HTRA1: variants seen among roughly 807,000 people sequenced by gnomAD.
HTRA1 encodes the protein HtrA serine peptidase 1.
A neutral mutation model predicts 49.7 loss-of-function variants in HTRA1; 26 were observed. The observed-to-expected ratio is 0.52, with a 90% CI of 0.38 to 0.73. HTRA1 has a LOEUF of 0.73. Among genes scored for constraint, HTRA1 ranks in the 30% least tolerant of loss-of-function variants. HTRA1 has a pLI of 0.00. For synonymous variants in HTRA1, 291 were observed against 286.9 expected, an observed-to-expected ratio of 1.01 and a Z score of -0.14; for missense variants, 561 against 667.2, an observed-to-expected ratio of 0.84 and a Z score of 1.75.
At chr10:122,468,507 G>C (rs758146946) in intron 1 of HTRA1, among the ~76,000 whole-genome samples, 3 of 151,852 alleles carry the variant, frequency 2.0e-5, no homozygotes, top group African/African-American at 7.3e-5. Context: ...TGTCTCCCTG[G>C]GGATGAGGTG....
chr10:122,512,950 G>A (rs917942617), intron 8 of HTRA1, among the ~76,000 whole-genome samples: 18 of 152,014 alleles, frequency 1.2e-4, no homozygotes, highest in African/African-American at 4.4e-4. Flanking sequence ...CATTTAAATG[G>A]TTGAAAAAAT....
At chr10:122,511,872 G>A (rs2097505784) in intron 7 of HTRA1, 98 bp from the exon 8 acceptor site, 1 of 837,430 alleles carries the variant, frequency 1.2e-6, no homozygotes, top group Non-Finnish European at 2.1e-6. Flanking sequence ...TTTTACCTTA[G>A]ACCTAAGGAG....
At chr10:122,483,977 A>G (rs1183884442) in intron 1 of HTRA1, among the ~76,000 whole-genome samples, 1 of 151,970 alleles carries the variant, frequency 6.6e-6, no homozygotes, top group Admixed American at 6.6e-5. Context: ...TATATAGACT[A>G]TCATATATAT....
intron 3 of HTRA1, among the ~76,000 whole-genome samples, chr10:122,503,730 C>A (rs1321683047): frequency 1.3e-5 from 2 of 152,156 alleles, no homozygotes; most frequent in Non-Finnish European, 2.9e-5. Flanking sequence ...ACCTGCCAGG[C>A]AAAAGCTTAT....
chr10:122,471,263 G>T (rs2097486014), intron 1 of HTRA1, among the ~76,000 whole-genome samples: 1 of 152,148 alleles, frequency 6.6e-6, no homozygotes, highest in African/African-American at 2.4e-5. Flanking sequence ...AGTAGGAAAA[G>T]TCTGATAATA....
At chr10:122,507,556 C>T (rs2097503610) in intron 5 of HTRA1, among the ~76,000 whole-genome samples, 154 bp downstream of exon 5, 1 of 152,110 alleles carries the variant, frequency 6.6e-6, no homozygotes, top group African/African-American at 2.4e-5. Flanking sequence ...TAAAATGGCT[C>T]TGTAAATGTA....
rs148181516 is a variant in HTRA1, at chr10:122,491,578, C to T, written c.777+1952C>T. ...GTGTTTGGAATGCGTGGGCACATAC[C>T]GTGCGGCTGCTTCTGGCCGGGGGAT... is the stretch of plus-strand genomic sequence containing the variant. On this transcript the variant is annotated intron_variant, in intron 3 of 8. Coordinates refer to ENST00000368984, the MANE Select transcript of HTRA1 (RefSeq NM_002775.5). 6.4e-3 allele frequency among the ~76,000 whole-genome samples: 979 copies of T among 152,334 alleles called. 10 individuals carry two copies. The highest frequency in any genetic ancestry group is 0.022 in the African/African-American group (907 of 41,578).
chr10:122,463,877 G>GA (rs919228121), intron 1 of HTRA1, among the ~76,000 whole-genome samples: 2 of 152,218 alleles, frequency 1.3e-5, no homozygotes, highest in African/African-American at 4.8e-5. Context: ...CAAAGCCTAA[G>GA]ACTTGTTTGG....
chr10:122,474,184 T>C (rs188057559), intron 1 of HTRA1, among the ~76,000 whole-genome samples: 11 of 152,316 alleles, frequency 7.2e-5, no homozygotes, highest in African/African-American at 2.6e-4. Context: ...CATAGAACTT[T>C]TTTGGAGCTG....
intron 1 of HTRA1, among the ~76,000 whole-genome samples, chr10:122,477,250 A>T (rs1010732095): frequency 1.3e-5 from 2 of 152,040 alleles, no homozygotes; most frequent in South Asian, 2.1e-4. Flanking sequence ...TACAGGTGTG[A>T]GCCACCATGC....
chr10:122,508,722 G>GATAAGATTA lies in HTRA1; in HGVS notation c.1074_1082dup (p.Ile360_Lys361insAsnLysIle), dbSNP rs2097504269. 1 of 1,613,906 alleles carries GATAAGATTA rather than the reference G, an allele frequency of 6.2e-7. No homozygotes were observed. The highest frequency in any genetic ancestry group is 8.5e-7 in the Non-Finnish European group (1 of 1,179,894). On this transcript the variant is annotated inframe_insertion, in exon 6 of 9. Transcript: ENST00000368984. ...TGGAATCTCCTTTGCAATCCCATCT[G>GATAAGATTA]ATAAGATTAAAAAGTTCCTCACGGA...
chr10:122,514,469 T>G lies in HTRA1; in HGVS notation c.*110T>G. The G allele has an allele frequency of 9.0e-7, 1 of 1,106,636 alleles. No homozygotes were observed. The highest frequency in any genetic ancestry group is 1.4e-6 in the Non-Finnish European group (1 of 729,368). 68.6% of individuals were successfully genotyped at this position (1,106,636 alleles called of 1,614,324 possible). A position where few individuals can be genotyped will look rare whatever the true frequency, so the allele number is the denominator to read the frequency against. ...CACTCAAGACTTTTGACTGCCATTT[T>G]GTTTGTTCAGTGGAGACTCCCTGGC... On this transcript the variant is annotated 3_prime_UTR_variant, in exon 9 of 9. Coordinates refer to ENST00000368984, the MANE Select transcript of HTRA1 (RefSeq NM_002775.5).
chr10:122,514,412 A>G lies in HTRA1; in HGVS notation c.*53A>G, dbSNP rs2097507015. 5.1e-6 allele frequency: 8 copies of G among 1,564,048 alleles called. No homozygotes were observed. In the Admixed American group the frequency reaches 6.7e-5, roughly 13 times the overall value. On this transcript the variant is annotated 3_prime_UTR_variant, in exon 9 of 9. Transcript: ENST00000368984. ...TCCCTCAAAGACTCTCCCGTGGATG[A>G]CGGATGAGGACTCTGGGCTGCTGGA...
At chr10:122,503,411 C>T (rs546285466) in intron 3 of HTRA1, among the ~76,000 whole-genome samples, 10 of 152,302 alleles carry the variant, frequency 6.6e-5, no homozygotes, top group Middle Eastern at 3.4e-3. Context: ...CTGAGGTGCC[C>T]GATGCTCCTG....
chr10:122,472,470 C>T (rs1454958211), intron 1 of HTRA1, among the ~76,000 whole-genome samples: 1 of 151,322 alleles, frequency 6.6e-6, no homozygotes, highest in African/African-American at 2.4e-5. Flanking sequence ...ATCTTGACTC[C>T]CTGCAACCTC....
intron 3 of HTRA1, among the ~76,000 whole-genome samples, chr10:122,505,085 G>C (rs970159039): frequency 2.5e-4 from 38 of 152,236 alleles, no homozygotes; most frequent in Admixed American, 3.9e-4. Context: ...GGTATTCAAA[G>C]AGCTGTTCAG....
At chr10:122,483,764 A>G (rs1022065547) in intron 1 of HTRA1, among the ~76,000 whole-genome samples, 3 of 152,230 alleles carry the variant, frequency 2.0e-5, no homozygotes, top group African/African-American at 4.8e-5. Context: ...AGCGTTTTGT[A>G]GCTTTCAATG....
intron 3 of HTRA1, among the ~76,000 whole-genome samples, chr10:122,492,802 C>T (rs1365726634): frequency 6.6e-6 from 1 of 152,122 alleles, no homozygotes; most frequent in Admixed American, 6.5e-5. Flanking sequence ...GTGTCCTACC[C>T]TCTGTGGCCA....
At position 122,464,359 on chromosome 10, in the gene HTRA1, G is replaced by A. The variant is rs2097482895; in HGVS notation, c.472+2235G>A. 6.6e-6 allele frequency among the ~76,000 whole-genome samples: 1 copy of A among 152,146 alleles called. No individual in the cohort carries two copies. Among genetic ancestry groups the A allele is most frequent in the African/African-American group, 2.4e-5 (1 of 41,434 alleles). ...GCGGGCCCCCGGTGTACCAGTGAGG[G>A]GACAGCCACAGAGGGATAAGCATGG... On this transcript the variant is annotated intron_variant, in intron 1 of 8. Transcript: ENST00000368984. This position sits in a 1 kb window ranked among gnomAD's most constrained non-coding sequence, Gnocchi z 4.8.
Sources: allele counts gnomAD v4.1 joint callset (sites outside exome capture counted in the v4.1 genomes callset), GRCh38; gene constraint gnomAD v4.1.1; non-coding constraint Gnocchi (gnomAD v3.1); transcripts MANE v1.5; gene names NCBI Gene and HGNC (gene_info 2026-07-23, HGNC 2026-07-21).